The following SCAMP1 variants were observed in gnomAD, a reference collection of about 807,000 sequenced individuals.
The protein encoded by SCAMP1 is secretory carrier-associated membrane protein 1.
In SCAMP1, 15 loss-of-function variants were observed where a neutral mutation model predicts 41.8. The observed-to-expected ratio is 0.36, with a 90% CI of 0.24 to 0.55. SCAMP1 has a LOEUF of 0.55. SCAMP1 is among the 20% of genes least tolerant of loss of function. SCAMP1 has a pLI of 0.86. For synonymous variants in SCAMP1, 135 were observed against 136.8 expected (o/e 0.99, Z 0.09); for missense variants, 341 against 412.6 (o/e 0.83, Z 1.50).
chr5:78,450,750 G>A (rs1164826751), intron 7 of SCAMP1, among the ~76,000 whole-genome samples: 3 of 152,134 alleles, frequency 2.0e-5, no homozygotes, highest in African/African-American at 7.2e-5. Context: ...AAGAATGTGT[G>A]ATGCAACTTT....
intron 6 of SCAMP1, among the ~76,000 whole-genome samples, chr5:78,446,990 G>A (rs1055374539): frequency 9.8e-5 from 15 of 152,312 alleles, no homozygotes; most frequent in African/African-American, 3.6e-4. Context: ...ACCAGCTAGC[G>A]AGCATTACCA....
chr5:78,425,877 T>C (rs1752456182), intron 6 of SCAMP1, among the ~76,000 whole-genome samples: 1 of 152,126 alleles, frequency 6.6e-6, no homozygotes, highest in Non-Finnish European at 1.5e-5. Flanking sequence ...TTGCTGCACC[T>C]ATCAACCCAT....
At chr5:78,465,645 T>G (rs1294374023) in intron 8 of SCAMP1, among the ~76,000 whole-genome samples, 2 of 152,234 alleles carry the variant, frequency 1.3e-5, no homozygotes, top group Non-Finnish European at 2.9e-5. Flanking sequence ...GATCTTGACC[T>G]TTTTATCATT....
chr5:78,404,152 A>G (rs868424741), intron 2 of SCAMP1, among the ~76,000 whole-genome samples: 6 of 148,682 alleles, frequency 4.0e-5, no homozygotes, highest in African/African-American at 1.2e-4. Context: ...AACTTCGTCT[A>G]TTTCTTGTAT....
At chr5:78,449,871 T>G in intron 6 of SCAMP1, 62 bp from the exon 7 acceptor site, 1 of 847,384 alleles carries the variant, frequency 1.2e-6, no homozygotes, top group Non-Finnish European at 1.9e-6. Flanking sequence ...AAAATGACGT[T>G]TTTCCCCTTC....
intron 6 of SCAMP1, among the ~76,000 whole-genome samples, chr5:78,430,589 A>T (rs1437317737): frequency 6.6e-6 from 1 of 151,934 alleles, no homozygotes; most frequent in African/African-American, 2.4e-5. Context: ...CCTAGTGCTT[A>T]TCAGATTCTC....
intron 2 of SCAMP1, among the ~76,000 whole-genome samples, chr5:78,410,797 C>T (rs1229948415): frequency 2.0e-5 from 3 of 152,186 alleles, no homozygotes; most frequent in South Asian, 2.1e-4. Flanking sequence ...TCCATAACCT[C>T]GCCAGCATCT....
chr5:78,401,721 G>C (rs1751803873), intron 2 of SCAMP1, among the ~76,000 whole-genome samples: 1 of 152,028 alleles, frequency 6.6e-6, no homozygotes, highest in African/African-American at 2.4e-5. Context: ...CCTCCCTTTT[G>C]TTCCTCCTTA....
intron 1 of SCAMP1, 137 bp from the exon 2 acceptor site, chr5:78,388,700 T>C (rs1201986920): frequency 4.1e-6 from 2 of 489,506 alleles, no homozygotes; most frequent in East Asian, 6.7e-5. Flanking sequence ...ACAGTAAATC[T>C]GAGAGCCTTC....
rs766168946 is a variant in SCAMP1 at position 78,418,795 on chromosome 5, C to A, written c.364C>A (p.Pro122Thr). 11 of 1,554,408 alleles carry A rather than the reference C, an allele frequency of 7.1e-6. No homozygotes were observed. Among genetic ancestry groups the A allele is most frequent in the Non-Finnish European group, 9.6e-6 (11 of 1,148,990 alleles). ...TACAGGTAGAAAAAATAATTGGCCA[C>A]CTCTTCCTAGCAATTTTCCTGTCGG... The part of the protein sequence containing the change: ...SQHGRKNNWP[P>T]LPSNFPVGPC... The change falls in exon 5 of 9, where the codon CCT becomes ACT. Residue 122 changes from proline to threonine, a missense_variant. Physicochemically the swap from Pro to Thr is conservative, Grantham distance 38. Coordinates refer to ENST00000621999, the MANE Select transcript of SCAMP1 (RefSeq NM_004866.6).
At chr5:78,425,403 G>A (rs1752444608) in intron 6 of SCAMP1, among the ~76,000 whole-genome samples, 1 of 152,108 alleles carries the variant, frequency 6.6e-6, no homozygotes, top group Non-Finnish European at 1.5e-5. Context: ...TAACCATTAG[G>A]TTGAATTTTG....
At chr5:78,414,294 A>T (rs1463399938) in intron 2 of SCAMP1, among the ~76,000 whole-genome samples, 2 of 151,340 alleles carry the variant, frequency 1.3e-5, no homozygotes, top group South Asian at 4.2e-4. Context: ...TATTATTATT[A>T]TTTTTTGAGA....
intron 7 of SCAMP1, among the ~76,000 whole-genome samples, chr5:78,453,900 A>C (rs1313762402): frequency 2.0e-5 from 3 of 152,126 alleles, no homozygotes; most frequent in East Asian, 1.9e-4. Context: ...GAGGTCCTTC[A>C]CATCCCTTGT....
At chr5:78,380,567 A>C (rs1039067058) in intron 1 of SCAMP1, among the ~76,000 whole-genome samples, 1 of 151,726 alleles carries the variant, frequency 6.6e-6, no homozygotes, top group African/African-American at 2.4e-5. Context: ...TTTTATTTAC[A>C]CTTTTTGAAC....
At chr5:78,394,156 T>C (rs1191251871) in intron 2 of SCAMP1, among the ~76,000 whole-genome samples, 1 of 152,108 alleles carries the variant, frequency 6.6e-6, no homozygotes, top group Non-Finnish European at 1.5e-5. Flanking sequence ...TATGCCCAGA[T>C]GGTCATCTCT....
intron 8 of SCAMP1, among the ~76,000 whole-genome samples, chr5:78,474,025 A>G (rs1206777938): frequency 6.6e-6 from 1 of 151,678 alleles, no homozygotes. Flanking sequence ...TCCTTTTGTG[A>G]TGGAAGGTTG....
chr5:78,398,041 G>A (rs1344373982), intron 2 of SCAMP1, among the ~76,000 whole-genome samples: 1 of 152,192 alleles, frequency 6.6e-6, no homozygotes, highest in Non-Finnish European at 1.5e-5. Flanking sequence ...CAGTTTGCTA[G>A]CTCTAGACAT....
intron 4 of SCAMP1, among the ~76,000 whole-genome samples, chr5:78,418,177 C>T (rs1752255559): frequency 6.6e-6 from 1 of 151,948 alleles, no homozygotes; most frequent in African/African-American, 2.4e-5. Context: ...ATGACTGTTT[C>T]ATGTTTTCTT....
In SCAMP1 at chr5:78,478,846, G is replaced by T. The variant is rs965459332; in HGVS notation, c.*3178G>T. ...AGGAACAGTATTCTTTATTTTCTGGGTGTTATATTTAAAAAAGCAAGTTTG... is the reference window on the plus strand; with the variant it reads ...AGGAACAGTATTCTTTATTTTCTGGTTGTTATATTTAAAAAAGCAAGTTTG... On this transcript the variant is annotated 3_prime_UTR_variant, in exon 9 of 9. Transcript: ENST00000621999. 1.3e-5 allele frequency: 2 copies of T among 151,978 alleles called. No homozygotes were observed. The highest frequency in any genetic ancestry group is 2.9e-5 in the Non-Finnish European group (2 of 67,942). 9.4% of individuals were successfully genotyped at this position (151,978 alleles called of 1,614,324 possible). A position where few individuals can be genotyped will look rare whatever the true frequency, so the allele number is the denominator to read the frequency against.
Sources: allele counts gnomAD v4.1 joint callset (sites outside exome capture counted in the v4.1 genomes callset), GRCh38; gene constraint gnomAD v4.1.1; transcripts MANE v1.5; gene names NCBI Gene and HGNC (gene_info 2026-07-23, HGNC 2026-07-21).